DSP: variants seen among roughly 807,000 people sequenced by gnomAD.
The protein encoded by DSP is 250/210 kDa paraneoplastic pemphigus antigen.
DSP carries 114 observed loss-of-function variants against 290.6 expected under a neutral mutation model. The ratio of observed to expected loss-of-function variants is 0.39; its 90% CI spans 0.34 to 0.46. DSP has a LOEUF of 0.46. DSP is among the 20% of genes least tolerant of loss of function. DSP has a pLI of 0.99. For missense variants in DSP, 3,230 were observed against 3,495.8 expected (o/e 0.92, Z 1.92); for synonymous variants, 1,311 against 1,316.4 (o/e 1.00, Z 0.09).
chr6:7,560,965 T>A (rs534758012), intron 4 of DSP, among the ~76,000 whole-genome samples: 31 of 152,176 alleles, frequency 2.0e-4, no homozygotes, highest in Non-Finnish European at 3.4e-4. Context: ...CTTTTTTTTT[T>A]TTTTGAGAGG....
intron 1 of DSP, among the ~76,000 whole-genome samples, chr6:7,546,089 T>C (rs974210943): frequency 2.0e-5 from 3 of 152,300 alleles, no homozygotes; most frequent in East Asian, 3.9e-4. Context: ...ACTGAGCTTC[T>C]GGACTGTTTA....
In DSP at chr6:7,580,936, G is replaced by A. The variant is rs756961678; in HGVS notation, c.4746G>A (p.Arg1582=). Residue 1582 remains arginine, a synonymous_variant, in exon 23 of 24, where the codon AGG becomes AGA. Coordinates refer to ENST00000379802, the MANE Select transcript of DSP (RefSeq NM_004415.4). This position sits in a 1 kb window ranked among gnomAD's most constrained non-coding sequence, Gnocchi z 4.2. ...KVEEELNRLK[R]TASEDSCKRK... Reference sequence around the variant, plus strand: ...AAGAGGAGCTGAATCGGCTGAAGAGGACCGCGTCAGAAGACTCCTGCAAGA... The same window carrying A: ...AAGAGGAGCTGAATCGGCTGAAGAGAACCGCGTCAGAAGACTCCTGCAAGA... 2 of 1,614,114 alleles carry A rather than the reference G, an allele frequency of 1.2e-6. No homozygotes were observed. The highest frequency in any genetic ancestry group is 1.7e-5 in the Admixed American group (1 of 60,022).
At chr6:7,564,599 C>A (rs1191551812) in intron 6 of DSP, among the ~76,000 whole-genome samples, 1 of 152,036 alleles carries the variant, frequency 6.6e-6, no homozygotes, top group Non-Finnish European at 1.5e-5. Flanking sequence ...GGAGTAAGTT[C>A]TAATATTTGA....
rs1759454944 is a variant in DSP at position 7,582,063 on chromosome 6, A to G, written c.5379+494A>G. Among the ~76,000 whole-genome samples, 1 of 150,954 alleles carries G rather than the reference A, an allele frequency of 6.6e-6. No individual in the cohort carries two copies. Among genetic ancestry groups the G allele is most frequent in the South Asian group, 2.1e-4 (1 of 4,798 alleles). On this transcript the variant is annotated intron_variant, in intron 23 of 23. Transcript: ENST00000379802. This position sits in a 1 kb window ranked among gnomAD's most constrained non-coding sequence, Gnocchi z 4.2. ...GCCCTAGTGTGTTTCCTTTTGTTTGACTTTCCTTCTCCTAACCCTTAATTT... is the reference window on the plus strand; with the variant it reads ...GCCCTAGTGTGTTTCCTTTTGTTTGGCTTTCCTTCTCCTAACCCTTAATTT...
intron 1 of DSP, among the ~76,000 whole-genome samples, chr6:7,547,080 C>A (rs1758189432): frequency 6.6e-6 from 1 of 152,084 alleles, no homozygotes; most frequent in Non-Finnish European, 1.5e-5. Context: ...GGAGTGGTTT[C>A]AGTCTGGAGG....
At chr6:7,577,305 G>T (rs1759269504) in intron 20 of DSP, among the ~76,000 whole-genome samples, 1 of 152,068 alleles carries the variant, frequency 6.6e-6, no homozygotes, top group Admixed American at 6.6e-5. Flanking sequence ...AAGATGTACT[G>T]CTTGGTTTAA....
At chr6:7,575,740 A>G (rs938401569) in intron 18 of DSP, among the ~76,000 whole-genome samples, 2 of 152,240 alleles carry the variant, frequency 1.3e-5, no homozygotes, top group African/African-American at 2.4e-5. Context: ...GAAGCCCTTT[A>G]GCCAGCTCTT....
chr6:7,579,631 A>G lies in DSP; in HGVS notation c.3441A>G (p.Gln1147=). The G allele has an allele frequency of 6.2e-7, 1 of 1,614,024 alleles. No homozygotes were observed. Among genetic ancestry groups the G allele is most frequent in the Non-Finnish European group, 8.5e-7 (1 of 1,180,020 alleles). The change falls in exon 23 of 24, where the codon CAA becomes CAG. Residue 1147 remains glutamine (Q), a synonymous_variant. Coordinates refer to ENST00000379802, the MANE Select transcript of DSP (RefSeq NM_004415.4). This position sits in a 1 kb window ranked among gnomAD's most constrained non-coding sequence, Gnocchi z 4.1. The part of the protein sequence containing the change: ...NDYDQLQKAR[Q]CEKENLGWQK... ...ATGACCAACTGCAGAAAGCAAGGCA[A>G]TGTGAAAAGGAGAACCTTGGTTGGC...
chr6:7,543,424 A>G (rs1311562792), intron 1 of DSP, among the ~76,000 whole-genome samples: 3 of 144,116 alleles, frequency 2.1e-5, no homozygotes, highest in Admixed American at 7.0e-5. Context: ...TTGAGTTAGC[A>G]AAGAATTGTC....
chr6:7,542,118 G>C (rs1300374737), intron 1 of DSP, 33 bp downstream of exon 1: 2 of 1,550,846 alleles, frequency 1.3e-6, no homozygotes, highest in African/African-American at 2.7e-5. Context: ...CGGGCTGCGG[G>C]GCTCGCGGGA....
chr6:7,545,948 T>TAAAA (rs1436357786), intron 1 of DSP, among the ~76,000 whole-genome samples: 4 of 152,228 alleles, frequency 2.6e-5, no homozygotes, highest in Non-Finnish European at 5.9e-5. Context: ...CATCCTTTTT[T>TAAAA]GACCAAGGCA....
chr6:7,566,321 T>C, intron 7 of DSP, 56 bp from the exon 8 acceptor site: 4 of 1,364,278 alleles, frequency 2.9e-6, no homozygotes, highest in Non-Finnish European at 3.1e-6. Flanking sequence ...ACTGTGGGGG[T>C]GATGGAAGTT....
At chr6:7,576,541 T>C (rs757195278) in intron 19 of DSP, 85 bp downstream of exon 19, 28 of 1,536,740 alleles carry the variant, frequency 1.8e-5, no homozygotes, top group Non-Finnish European at 2.5e-5. Context: ...TATCAGTGCC[T>C]AGGTTTGAAA....
At chr6:7,576,735 C>T (rs866453831) in intron 19 of DSP, among the ~76,000 whole-genome samples, 5 of 152,260 alleles carry the variant, frequency 3.3e-5, no homozygotes, top group Middle Eastern at 6.8e-3. Flanking sequence ...AACAGGCTGA[C>T]TAGAAAGTAA....
chr6:7,567,312 C>T (rs1758890809), intron 8 of DSP, 42 bp from the exon 9 acceptor site: 1 of 1,533,140 alleles, frequency 6.5e-7, no homozygotes, highest in African/African-American at 1.4e-5. Flanking sequence ...TGCATCTGTA[C>T]AACTGAGCTA....
At position 7,575,295 on chromosome 6, in the gene DSP, A is replaced by C. The variant is rs1395903631; in HGVS notation, c.2437A>C (p.Lys813Gln). The change falls in exon 18 of 24, where the codon AAA becomes CAA. Residue 813 changes from lysine to glutamine, a missense_variant and splice_region_variant. Transcript: ENST00000379802. ...AATCTTTTTTTTTTTCATCTTGCAG[A>C]AAATAAAAAATGACTTGAACTTGAA... ...KVEAYRCGLK[K>Q]IKNDLNLKKS... 6.2e-7 allele frequency: 1 copy of C among 1,613,806 alleles called. No homozygotes were observed. The highest frequency in any genetic ancestry group is 2.2e-5 in the East Asian group (1 of 44,866).
chr6:7,567,912 G>C lies in DSP; in HGVS notation c.1266+6G>C. 2 of 1,613,270 alleles carry C rather than the reference G, an allele frequency of 1.2e-6. No homozygotes were observed. The highest frequency in any genetic ancestry group is 2.2e-5 in the South Asian group (2 of 91,006). On this transcript the variant is annotated splice_donor_region_variant and intron_variant, in intron 10 of 23. Coordinates refer to ENST00000379802, the MANE Select transcript of DSP (RefSeq NM_004415.4). Reference sequence around the variant, plus strand: ...AACAGATCAAGGAGCTGGAGGTATCGTCTCAGACCCAGAACCTCAGCAGCT... The same window carrying C: ...AACAGATCAAGGAGCTGGAGGTATCCTCTCAGACCCAGAACCTCAGCAGCT...
In DSP at chr6:7,559,149, GA is replaced by G. The variant is rs1758594125; in HGVS notation, c.423-73del. The stretch of plus-strand genomic sequence containing the variant: ...CTTCTCTATTGACACAAAAGACTCA[GA>G]AAAGGGGAAATTTGCCCAGAACGGG... On this transcript the variant is annotated intron_variant, in intron 3 of 23. Transcript: ENST00000379802. 1.7e-5 allele frequency: 27 copies of G among 1,549,118 alleles called. 2 individuals carry two copies. The South Asian group carries it at 3.0e-4, about 17-fold the overall frequency.
In DSP at chr6:7,574,174, G is replaced by C. The variant is rs780959873; in HGVS notation, c.2219G>C (p.Cys740Ser). The C allele has an allele frequency of 1.2e-6, 2 of 1,614,030 alleles. No individual in the cohort carries two copies. Among genetic ancestry groups the C allele is most frequent in the Non-Finnish European group, 1.7e-6 (2 of 1,179,932 alleles). ...LANFRGSEKY[C>S]YLQNEVFGLF... ...AACTTCAGAGGTTCTGAAAAGTACT[G>C]CTATTTACAGAATGAAGTATTTGGA... Residue 740 changes from cysteine (C) to serine (S), a missense_variant, in exon 16 of 24, where the codon TGC (cysteine) becomes TCC (serine). Transcript: ENST00000379802.
Sources: allele counts gnomAD v4.1 joint callset (sites outside exome capture counted in the v4.1 genomes callset), GRCh38; gene constraint gnomAD v4.1.1; non-coding constraint Gnocchi (gnomAD v3.1); transcripts MANE v1.5; gene names NCBI Gene and HGNC (gene_info 2026-07-23, HGNC 2026-07-21).